The following ERC2 variants were observed in gnomAD, a reference collection of about 807,000 sequenced individuals.
ERC2 encodes the protein ELKS/RAB6-interacting/CAST family member 2.
In ERC2, 42 loss-of-function variants were observed where a neutral mutation model predicts 114.8. That is an observed-to-expected ratio of 0.37 (90% CI 0.29 to 0.47). The LOEUF (loss-of-function observed/expected upper bound fraction) is 0.47, where lower values mean the gene tolerates loss of function less well. Ranked by LOEUF, ERC2 falls within the 20% of genes least tolerant of loss-of-function variation. ERC2 has a pLI of 0.99. For synonymous variants in ERC2, 454 were observed against 425.5 expected (o/e 1.07, Z -0.82); for missense variants, 939 against 1,150.7 (o/e 0.82, Z 2.66).
At chr3:55,679,302 C>T (rs879716295) in intron 17 of ERC2, among the ~76,000 whole-genome samples, 10 of 152,192 alleles carry the variant, frequency 6.6e-5, no homozygotes, top group African/African-American at 1.4e-4. Flanking sequence ...CCCAAATGCA[C>T]GCCTTGGCAT....
intron 14 of ERC2, among the ~76,000 whole-genome samples, chr3:55,868,148 T>A (rs1355543361): frequency 3.3e-5 from 5 of 151,978 alleles, no homozygotes; most frequent in African/African-American, 1.2e-4. Context: ...AATCTTTAAG[T>A]GAAGTAAGCT....
chr3:56,334,080 G>A (rs1342910905), intron 2 of ERC2, among the ~76,000 whole-genome samples: 1 of 152,178 alleles, frequency 6.6e-6, no homozygotes. Context: ...TGGACTATGG[G>A]ATCCATGGTG....
intron 2 of ERC2, among the ~76,000 whole-genome samples, chr3:56,300,433 G>T (rs1407576396): frequency 6.6e-6 from 1 of 152,078 alleles, no homozygotes; most frequent in Non-Finnish European, 1.5e-5. Flanking sequence ...GGGAACCCAG[G>T]CTAGGGGCAT....
At chr3:56,291,845 G>A (rs1045884341) in intron 3 of ERC2, among the ~76,000 whole-genome samples, 1 of 150,628 alleles carries the variant, frequency 6.6e-6, no homozygotes, top group Non-Finnish European at 1.5e-5. Context: ...AAAATACCCT[G>A]ACAAAGTACA....
At chr3:56,208,044 T>G (rs900640484) in intron 3 of ERC2, among the ~76,000 whole-genome samples, 2 of 152,240 alleles carry the variant, frequency 1.3e-5, no homozygotes, top group Admixed American at 6.5e-5. Context: ...GCAAACTAGC[T>G]GGCAACACAG....
intron 17 of ERC2, among the ~76,000 whole-genome samples, chr3:55,533,424 A>G (rs1167250): frequency 0.34 from 51,090 of 152,236 alleles, 10,547 homozygotes; most frequent in East Asian, 0.62. Flanking sequence ...CGTTTGCTGC[A>G]TGCCCTGTAC....
At chr3:56,335,779 C>A (rs76021931) in intron 2 of ERC2, among the ~76,000 whole-genome samples, 2,605 of 152,188 alleles carry the variant, frequency 0.017, 27 homozygotes, top group Non-Finnish European at 0.027. Context: ...AGAAAAATAA[C>A]ACTGTGTCTC....
intron 17 of ERC2, among the ~76,000 whole-genome samples, chr3:55,661,175 G>A (rs972828389): frequency 2.6e-5 from 4 of 152,168 alleles, no homozygotes; most frequent in East Asian, 1.9e-4. Context: ...TCACAGTTCC[G>A]TAGGTCAGAA....
At chr3:56,410,730 T>C (rs1329542227) in intron 2 of ERC2, among the ~76,000 whole-genome samples, 3 of 152,120 alleles carry the variant, frequency 2.0e-5, no homozygotes, top group Non-Finnish European at 4.4e-5. Flanking sequence ...CATGGCTCAC[T>C]GCAGTAGAGG....
At chr3:55,979,776 CAAA>C (rs763879098) in intron 12 of ERC2, among the ~76,000 whole-genome samples, 2 of 124,028 alleles carry the variant, frequency 1.6e-5, no homozygotes. Flanking sequence ...CCCACCTCTG[CAAA>C]AAAAAAAAAA....
chr3:56,186,587 A>G (rs2150058008), intron 3 of ERC2, among the ~76,000 whole-genome samples: 1 of 152,190 alleles, frequency 6.6e-6, no homozygotes, highest in East Asian at 1.9e-4. Flanking sequence ...GCTGGAGTGC[A>G]ATGGTGTGAT....
At chr3:56,118,485 T>C (rs1229685927) in intron 6 of ERC2, among the ~76,000 whole-genome samples, 1 of 152,028 alleles carries the variant, frequency 6.6e-6, no homozygotes, top group Non-Finnish European at 1.5e-5. Flanking sequence ...AAGAAGATAA[T>C]ATTAAGAAGA....
intron 10 of ERC2, among the ~76,000 whole-genome samples, chr3:55,994,647 T>TGAAA (rs36006624): frequency 1.6e-5 from 1 of 61,396 alleles, no homozygotes; most frequent in Non-Finnish European, 2.7e-5. Flanking sequence ...ACATACTCCC[T>TGAAA]AAAAAAAAAA....
intron 16 of ERC2, among the ~76,000 whole-genome samples, chr3:55,694,376 CAT>C (rs1256986905): frequency 6.6e-6 from 1 of 152,182 alleles, no homozygotes; most frequent in Admixed American, 6.5e-5. Context: ...AAGGGCCAGA[CAT>C]GTGTGAACAT....
intron 17 of ERC2, among the ~76,000 whole-genome samples, chr3:55,639,996 G>C (rs2060109860): frequency 6.6e-6 from 1 of 152,146 alleles, no homozygotes; most frequent in Non-Finnish European, 1.5e-5. Flanking sequence ...GAGCCCCAGG[G>C]AAAGCTATGT....
chr3:56,102,056 A>T (rs1057189192), intron 6 of ERC2, among the ~76,000 whole-genome samples: 3 of 152,194 alleles, frequency 2.0e-5, no homozygotes, highest in African/African-American at 7.2e-5. Flanking sequence ...TGTCACCTGG[A>T]TGTTCTTACG....
intron 3 of ERC2, among the ~76,000 whole-genome samples, chr3:56,280,231 A>T (rs185583157): frequency 1.4e-4 from 21 of 152,264 alleles, no homozygotes; most frequent in Admixed American, 1.2e-3. Context: ...CAAGGGAATG[A>T]ATTCCCCCTG....
chr3:56,188,183 A>C (rs1403695821), intron 3 of ERC2, among the ~76,000 whole-genome samples: 1 of 152,188 alleles, frequency 6.6e-6, no homozygotes, highest in East Asian at 1.9e-4. Flanking sequence ...TCTGGGCATC[A>C]TATTTTGAGT....
At chr3:56,334,167 C>T (rs919403848) in intron 2 of ERC2, among the ~76,000 whole-genome samples, 2 of 152,216 alleles carry the variant, frequency 1.3e-5, no homozygotes, top group Non-Finnish European at 2.9e-5. Flanking sequence ...AACTCTTCCC[C>T]CAAATCCCTT....
Sources: gnomAD v4.1 joint callset for allele counts (sites outside exome capture counted in the v4.1 genomes callset) on GRCh38, gnomAD v4.1.1 for gene constraint, MANE v1.5 for transcripts, NCBI Gene and HGNC (gene_info 2026-07-23, HGNC 2026-07-21) for gene names.